The following CDKAL1 variants were observed in gnomAD, a reference collection of about 807,000 sequenced individuals.
CDKAL1 encodes CDKAL1 threonylcarbamoyladenosine tRNA methylthiotransferase.
Under a neutral mutation model 68.2 loss-of-function variants are expected in CDKAL1, and 32 were observed. The ratio of observed to expected loss-of-function variants is 0.47; its 90% CI spans 0.35 to 0.63. The LOEUF (loss-of-function observed/expected upper bound fraction) is 0.63. CDKAL1 is among the 30% of genes least tolerant of loss of function. The pLI is 0.00. For synonymous variants in CDKAL1, 234 were observed against 244.3 expected, an observed-to-expected ratio of 0.96 and a Z score of 0.39; for missense variants, 606 against 696.7, an observed-to-expected ratio of 0.87 and a Z score of 1.47.
At chr6:20,944,370 ACGGAGT>A (rs903369177) in intron 9 of CDKAL1, among the ~76,000 whole-genome samples, 3 of 45,898 alleles carry the variant, frequency 6.5e-5, no homozygotes, top group Non-Finnish European at 2.2e-4. Flanking sequence ...CCTTTTTGAG[ACGGAGT>A]CTCACTCTGT....
chr6:20,752,494 TACACAC>T (rs1245221006), intron 6 of CDKAL1, among the ~76,000 whole-genome samples: 1 of 151,794 alleles, frequency 6.6e-6, no homozygotes, highest in Non-Finnish European at 1.5e-5. Flanking sequence ...TGCACACATG[TACACAC>T]ACACACAGAC....
chr6:20,772,742 G>A (rs1343898065), intron 7 of CDKAL1: 1 of 152,078 alleles, frequency 6.6e-6, no homozygotes, highest in Non-Finnish European at 1.5e-5. Context: ...ACATTATTAA[G>A]ATTATAGAGT....
At position 20,921,894 on chromosome 6, in the gene CDKAL1, G is replaced by A. The variant is rs1210048332; in HGVS notation, c.743-33525G>A. 2.0e-5 allele frequency among the ~76,000 whole-genome samples: 3 copies of A among 152,122 alleles called. No individual in the cohort carries two copies. The East Asian group carries it at 5.8e-4, about 29-fold the overall frequency. On this transcript the variant is annotated intron_variant, in intron 9 of 15. Transcript: ENST00000274695. ...CAGTTATCTCTACTATTTTCTTTTAGGAAGGAAGAATAAGTTAAACTTTTC... is the reference window on the plus strand; with the variant it reads ...CAGTTATCTCTACTATTTTCTTTTAAGAAGGAAGAATAAGTTAAACTTTTC...
intron 5 of CDKAL1, among the ~76,000 whole-genome samples, chr6:20,718,946 T>G (rs1772218812): frequency 6.6e-6 from 1 of 152,236 alleles, no homozygotes; most frequent in East Asian, 1.9e-4. Flanking sequence ...AATAATAGAT[T>G]TTTAGTCCTG....
At chr6:20,697,856 A>G (rs1309614728) in intron 5 of CDKAL1, among the ~76,000 whole-genome samples, 2 of 152,126 alleles carry the variant, frequency 1.3e-5, no homozygotes, top group African/African-American at 2.4e-5. Flanking sequence ...ATCTCCTGGT[A>G]TGGGTTTCTG....
intron 7 of CDKAL1, chr6:20,772,786 T>G (rs920414637): frequency 1.3e-5 from 2 of 152,192 alleles, no homozygotes; most frequent in African/African-American, 4.8e-5. Context: ...GTTTTGATAT[T>G]AAACAATTCT....
At chr6:20,797,404 A>G (rs139094822) in intron 8 of CDKAL1, among the ~76,000 whole-genome samples, 1 of 152,252 alleles carries the variant, frequency 6.6e-6, no homozygotes, top group African/African-American at 2.4e-5. Context: ...TGGAGATGCT[A>G]AATGGTACAG....
chr6:20,569,228 T>C (rs1038185430), intron 4 of CDKAL1, among the ~76,000 whole-genome samples: 1 of 152,262 alleles, frequency 6.6e-6, no homozygotes, highest in Non-Finnish European at 1.5e-5. Context: ...TGAGACACTT[T>C]TATGAGCCTC....
chr6:21,206,429 T>C (rs865810051), intron 15 of CDKAL1, among the ~76,000 whole-genome samples: 1 of 152,208 alleles, frequency 6.6e-6, no homozygotes, highest in Non-Finnish European at 1.5e-5. Context: ...GTTTTACTAC[T>C]AATGTTCTTT....
In CDKAL1 at chr6:20,876,518, T is replaced by G. The variant is rs1183527379; in HGVS notation, c.742+30340T>G. ...GACAGCATTTGTGCATTGATGGGAT[T>G]AATGCTTCATTCTAAGGATTAAATT... On this transcript the variant is annotated intron_variant, in intron 9 of 15. Coordinates refer to ENST00000274695, the MANE Select transcript of CDKAL1 (RefSeq NM_017774.3). Among the ~76,000 whole-genome samples, 4 of 152,224 alleles carry G rather than the reference T, an allele frequency of 2.6e-5. No homozygotes were observed. In the East Asian group the frequency reaches 5.8e-4, roughly 22 times the overall value.
chr6:20,844,629 C>T (rs1376769830), intron 8 of CDKAL1, among the ~76,000 whole-genome samples: 2 of 151,142 alleles, frequency 1.3e-5, no homozygotes, highest in Non-Finnish European at 2.9e-5. Flanking sequence ...AGGGGAGGGT[C>T]GCTTGAGCCC....
intron 9 of CDKAL1, among the ~76,000 whole-genome samples, chr6:20,859,200 T>C (rs1759487875): frequency 6.6e-6 from 1 of 152,042 alleles, no homozygotes; most frequent in South Asian, 2.1e-4. Context: ...GGTAGCCTAA[T>C]ATTCTGAAAA....
chr6:20,540,756 C>T (rs532745367), intron 2 of CDKAL1, among the ~76,000 whole-genome samples: 3 of 152,318 alleles, frequency 2.0e-5, no homozygotes, highest in South Asian at 4.1e-4. Context: ...ATGCCCAGCC[C>T]TGTTTTAACT....
rs963665799 is a variant in CDKAL1 at position 20,865,992 on chromosome 6, A to G, written c.742+19814A>G. Among the ~76,000 whole-genome samples, 4 of 152,204 alleles carry G rather than the reference A, an allele frequency of 2.6e-5. No individual in the cohort carries two copies. In the East Asian group the frequency reaches 7.7e-4, roughly 29 times the overall value. On this transcript the variant is annotated intron_variant, in intron 9 of 15. Transcript: ENST00000274695. The stretch of plus-strand genomic sequence containing the variant: ...TACTTCAGAAGTGCTGAGTAAATGT[A>G]GTTGTGTGCCTGATTTTAATTTTAG...
intron 12 of CDKAL1, among the ~76,000 whole-genome samples, chr6:21,085,458 G>A (rs753031559): frequency 4.7e-4 from 72 of 152,140 alleles, no homozygotes; most frequent in Non-Finnish European, 7.1e-4. Context: ...CCACAGGACC[G>A]TGTGTCTCCA....
rs749017918 is a variant in CDKAL1 at position 21,230,829 on chromosome 6, T to A, written c.1549-19T>A. 1.9e-6 allele frequency: 3 copies of A among 1,553,084 alleles called. No individual in the cohort carries two copies. The South Asian group carries it at 3.6e-5, about 19-fold the overall frequency. ...TCTGCATCTAAAAATAATTTTTTCC[T>A]CTGTTTCTCTCTTTATAGGACTTCA... On this transcript the variant is annotated intron_variant, in intron 15 of 15. Coordinates refer to ENST00000274695, the MANE Select transcript of CDKAL1 (RefSeq NM_017774.3).
chr6:21,095,174 G>A (rs538191976), intron 12 of CDKAL1, among the ~76,000 whole-genome samples: 32 of 152,358 alleles, frequency 2.1e-4, no homozygotes, highest in African/African-American at 7.7e-4. Context: ...TCCCGAGGCT[G>A]AGTGGAGAGG....
chr6:20,708,219 CTTGT>C (rs1185740924), intron 5 of CDKAL1, among the ~76,000 whole-genome samples: 1 of 152,122 alleles, frequency 6.6e-6, no homozygotes, highest in Non-Finnish European at 1.5e-5. Flanking sequence ...ATTTAATTTA[CTTGT>C]TTGTTAGTAC....
intron 13 of CDKAL1, chr6:21,135,747 C>T (rs996845420): frequency 3.1e-6 from 3 of 974,304 alleles, no homozygotes; most frequent in East Asian, 1.1e-4. Context: ...CCATTTCATT[C>T]GCTCAGGAAG....
Sources: gnomAD v4.1 joint callset for allele counts (sites outside exome capture counted in the v4.1 genomes callset) on GRCh38, gnomAD v4.1.1 for gene constraint, MANE v1.5 for transcripts, NCBI Gene and HGNC (gene_info 2026-07-23, HGNC 2026-07-21) for gene names.